The following PTGIS variants were observed in gnomAD, a reference collection of about 807,000 sequenced individuals.
PTGIS encodes prostaglandin I2 synthase, also known as prostacyclin synthase.
PTGIS carries 45 observed loss-of-function variants against 50.3 expected under a neutral mutation model. The ratio of observed to expected loss-of-function variants is 0.90; its 90% CI spans 0.70 to 1.15. The LOEUF (loss-of-function observed/expected upper bound fraction) is 1.15, where lower values mean the gene tolerates loss of function less well. Ranked by LOEUF, PTGIS falls within the 50% of genes most tolerant of loss-of-function variation. The pLI is 0.00. For synonymous variants in PTGIS, 260 were observed against 267.7 expected (o/e 0.97, Z 0.28); for missense variants, 668 against 661.3 (o/e 1.01, Z -0.11).
At chr20:49,516,024 G>A (rs1981464146) in intron 6 of PTGIS, among the ~76,000 whole-genome samples, 1 of 150,572 alleles carries the variant, frequency 6.6e-6, no homozygotes. Flanking sequence ...GGGGCCACAG[G>A]CATGTGCTAC....
intron 3 of PTGIS, among the ~76,000 whole-genome samples, chr20:49,546,409 T>A (rs1475465608): frequency 6.6e-6 from 1 of 152,190 alleles, no homozygotes; most frequent in African/African-American, 2.4e-5. Flanking sequence ...AGAGGAGGCA[T>A]CATGTCTCAT....
intron 3 of PTGIS, 78 bp from the exon 4 acceptor site, chr20:49,544,526 C>T: frequency 6.4e-7 from 1 of 1,552,448 alleles, no homozygotes; most frequent in South Asian, 1.1e-5. Flanking sequence ...CTCCCCAAAC[C>T]TAAGGGTCCC....
rs139949009 is a variant in PTGIS at position 49,547,965 on chromosome 20, C to T, written c.253G>A (p.Ala85Thr). The change falls in exon 3 of 10, where the codon GCG (alanine) becomes ACG (threonine). Residue 85 changes from alanine (A) to threonine (T), a missense_variant. Coordinates refer to ENST00000244043, the MANE Select transcript of PTGIS (RefSeq NM_000961.4). The part of the protein sequence containing the change: ...TVLLDPHSYD[A>T]VVWEPRTRLD... ...CTGGTGCGAGGCTCCCACACCACCG[C>T]GTCGTAGGAGTGTGGGTCCAGGAGA... 24 of 1,614,106 alleles carry T rather than the reference C, an allele frequency of 1.5e-5. No homozygotes were observed. Among genetic ancestry groups the T allele is most frequent in the African/African-American group, 6.7e-5 (5 of 75,032 alleles).
intron 3 of PTGIS, 59 bp downstream of exon 3, chr20:49,547,782 T>G: frequency 6.4e-7 from 1 of 1,553,574 alleles, no homozygotes; most frequent in Non-Finnish European, 8.9e-7. Flanking sequence ...TTGGGCCACA[T>G]GAGTAGAAAT....
chr20:49,564,969 GC>G (rs940926086), intron 1 of PTGIS, among the ~76,000 whole-genome samples: 2 of 146,680 alleles, frequency 1.4e-5, no homozygotes, highest in Non-Finnish European at 1.5e-5. Flanking sequence ...TCACTTGTTT[GC>G]CCTTTTTTTT....
chr20:49,543,226 A>G (rs1982275408), intron 4 of PTGIS, among the ~76,000 whole-genome samples: 1 of 152,008 alleles, frequency 6.6e-6, no homozygotes, highest in Non-Finnish European at 1.5e-5. Flanking sequence ...CGGCAGAGCC[A>G]GTGAACTCTA....
intron 9 of PTGIS, among the ~76,000 whole-genome samples, chr20:49,509,431 A>G (rs1223536875): frequency 2.6e-5 from 4 of 152,216 alleles, no homozygotes; most frequent in African/African-American, 9.6e-5. Flanking sequence ...AGTACCCGCT[A>G]TCTCTTTTTA....
Position 49,507,060 on chromosome 20 carries a change from T to C in PTGIS, c.*860A>G, listed in dbSNP as rs1367048518. ...GTCCAAACAAAACACGTCTGCAGAC[T>C]GGATCGTGATCACAGTTGGGGCTTC... On this transcript the variant is annotated 3_prime_UTR_variant, in exon 10 of 10. Transcript: ENST00000244043. 2.0e-5 allele frequency: 3 copies of C among 152,284 alleles called. No individual in the cohort carries two copies. Among genetic ancestry groups the C allele is most frequent in the Non-Finnish European group, 2.9e-5 (2 of 68,080 alleles). 9.4% of individuals were successfully genotyped at this position (152,284 alleles called of 1,614,324 possible).
intron 5 of PTGIS, among the ~76,000 whole-genome samples, chr20:49,529,946 G>C (rs1015775590): frequency 6.6e-6 from 1 of 152,076 alleles, no homozygotes; most frequent in African/African-American, 2.4e-5. Flanking sequence ...CCTGAGGTCG[G>C]GAGTTCGAGT....
Position 49,508,013 on chromosome 20 carries a change from A to G in PTGIS, c.1410T>C (p.Asp470=). Residue 470 remains aspartate (D), a synonymous_variant, in exon 10 of 10, where the codon GAT becomes GAC. Transcript: ENST00000244043. ...VHLDLELINA[D]VEIPEFDLSR... is the part of the protein sequence containing the mutation. The stretch of plus-strand genomic sequence containing the variant: ...TGAGGTCAAACTCAGGGATCTCCAC[A>G]TCTGCGTTGATCAGCTCCAAGTCCA... 6.2e-7 allele frequency: 1 copy of G among 1,614,008 alleles called. No homozygotes were observed. Among genetic ancestry groups the G allele is most frequent in the South Asian group, 1.1e-5 (1 of 91,082 alleles).
intron 1 of PTGIS, among the ~76,000 whole-genome samples, chr20:49,557,739 A>T (rs1268506590): frequency 6.6e-6 from 1 of 152,142 alleles, no homozygotes; most frequent in Non-Finnish European, 1.5e-5. Context: ...TACAGATAAA[A>T]GTTTCAGTAT....
rs117638981 is a variant in PTGIS at position 49,543,739 on chromosome 20, T to C, written c.521+566A>G. 4.1e-3 allele frequency among the ~76,000 whole-genome samples: 630 copies of C among 152,206 alleles called. 2 individuals carry two copies. The highest frequency in any genetic ancestry group is 7.1e-3 in the Non-Finnish European group (480 of 68,004). Reference sequence around the variant, plus strand: ...GCCTAAGAAAGCCCCCCAGATGCTGTCACCCCACCCGTGGATCTCTGTCAT... The same window carrying C: ...GCCTAAGAAAGCCCCCCAGATGCTGCCACCCCACCCGTGGATCTCTGTCAT... On this transcript the variant is annotated intron_variant, in intron 4 of 9. Coordinates refer to ENST00000244043, the MANE Select transcript of PTGIS (RefSeq NM_000961.4).
intron 2 of PTGIS, 64 bp downstream of exon 2, chr20:49,550,002 C>G: frequency 6.2e-7 from 1 of 1,613,250 alleles, no homozygotes; most frequent in Non-Finnish European, 8.5e-7. Flanking sequence ...AAGGAATCAA[C>G]AGAAACCAGA....
intron 3 of PTGIS, among the ~76,000 whole-genome samples, chr20:49,546,543 T>C (rs1052514448): frequency 1.3e-5 from 2 of 152,222 alleles, no homozygotes; most frequent in African/African-American, 2.4e-5. Flanking sequence ...AAGATCGCCA[T>C]TGGACTGTGT....
At chr20:49,548,549 T>C (rs1185830977) in intron 2 of PTGIS, among the ~76,000 whole-genome samples, 1 of 151,352 alleles carries the variant, frequency 6.6e-6, no homozygotes, top group Non-Finnish European at 1.5e-5. Flanking sequence ...GATGGGTGGA[T>C]GGATGGATGG....
chr20:49,525,402 A>T (rs1981768696), intron 5 of PTGIS, among the ~76,000 whole-genome samples: 1 of 152,238 alleles, frequency 6.6e-6, no homozygotes, highest in Admixed American at 6.5e-5. Flanking sequence ...CCCACAGATC[A>T]CTAGCGTGCA....
intron 9 of PTGIS, among the ~76,000 whole-genome samples, chr20:49,510,545 T>A (rs1601176120): frequency 6.6e-6 from 1 of 152,052 alleles, no homozygotes; most frequent in African/African-American, 2.4e-5. Flanking sequence ...ACAGGGCAGA[T>A]GTCATAACCC....
chr20:49,564,535 G>C (rs1012388397), intron 1 of PTGIS, among the ~76,000 whole-genome samples: 1 of 152,190 alleles, frequency 6.6e-6, no homozygotes, highest in African/African-American at 2.4e-5. Context: ...ATAGGTGTGA[G>C]CCACCGTGCC....
At chr20:49,522,434 T>C (rs508757) in intron 6 of PTGIS, among the ~76,000 whole-genome samples, 47,162 of 151,624 alleles carry the variant, frequency 0.31, 9,800 homozygotes, top group African/African-American at 0.6. Flanking sequence ...CCCCCTGTCC[T>C]CCTGACCCCC....
Sources: allele counts gnomAD v4.1 joint callset (sites outside exome capture counted in the v4.1 genomes callset), GRCh38; gene constraint gnomAD v4.1.1; transcripts MANE v1.5; gene names NCBI Gene and HGNC (gene_info 2026-07-23, HGNC 2026-07-21).